The following TMEM106B variants were observed in gnomAD, a reference collection of about 807,000 sequenced individuals.
TMEM106B encodes transmembrane protein 106B.
TMEM106B carries 15 observed loss-of-function variants against 31.1 expected under a neutral mutation model. The ratio of observed to expected loss-of-function variants is 0.48; its 90% CI spans 0.32 to 0.74. TMEM106B has a LOEUF of 0.74. TMEM106B is among the 30% of genes least tolerant of loss of function. The pLI is 0.03. For missense variants in TMEM106B, 283 were observed against 327.3 expected, an observed-to-expected ratio of 0.86 and a Z score of 1.04; for synonymous variants, 126 against 112.5, an observed-to-expected ratio of 1.12 and a Z score of -0.76.
At position 12,241,008 on chromosome 7, in the gene TMEM106B, TGACAATA is replaced by T. The variant is rs1373415881; in HGVS notation, c.*9039_*9045del. 4 of 152,190 alleles carry T rather than the reference TGACAATA, an allele frequency of 2.6e-5. No homozygotes were observed. The East Asian group carries it at 7.7e-4, about 29-fold the overall frequency. 9.4% of individuals were successfully genotyped at this position (152,190 alleles called of 1,614,324 possible). Reference sequence around the variant, plus strand: ...TATATTTTCTAAATAGCACTGAAAATGACAATAGACAAATGTAATTTCTGATTTTTAA... The same window carrying T: ...TATATTTTCTAAATAGCACTGAAAATGACAAATGTAATTTCTGATTTTTAA... On this transcript the variant is annotated 3_prime_UTR_variant, in exon 8 of 8. Coordinates refer to ENST00000396668, the MANE Select transcript of TMEM106B (RefSeq NM_001134232.2).
intron 4 of TMEM106B, among the ~76,000 whole-genome samples, chr7:12,228,743 C>T (rs536790416): frequency 5.3e-5 from 8 of 152,110 alleles, no homozygotes; most frequent in African/African-American, 1.9e-4. Flanking sequence ...AAAATATACC[C>T]TTTTCCCATA....
chr7:12,223,239 TA>T (rs551140994), intron 3 of TMEM106B, among the ~76,000 whole-genome samples: 1 of 152,006 alleles, frequency 6.6e-6, no homozygotes, highest in African/African-American at 2.4e-5. Context: ...TTGATCAATG[TA>T]AAAAAAATCT....
intron 2 of TMEM106B, among the ~76,000 whole-genome samples, chr7:12,217,052 G>C (rs371990485): frequency 2.6e-5 from 4 of 151,992 alleles, no homozygotes; most frequent in African/African-American, 9.7e-5. Flanking sequence ...GTAAGATAGA[G>C]TGAATAATAG....
intron 3 of TMEM106B, among the ~76,000 whole-genome samples, chr7:12,222,844 A>T (rs954097475): frequency 5.3e-5 from 8 of 152,248 alleles, no homozygotes. Context: ...AACTTAAAAC[A>T]CTAAGAAATA....
At chr7:12,231,139 G>T in intron 7 of TMEM106B, 24 bp downstream of exon 7, 1 of 1,560,266 alleles carries the variant, frequency 6.4e-7, no homozygotes, top group South Asian at 1.2e-5. Context: ...TTTTTTGAAA[G>T]AGATTTTGCT....
chr7:12,229,915 T>G (rs939907265), intron 5 of TMEM106B, 96 bp downstream of exon 5: 1 of 1,353,508 alleles, frequency 7.4e-7, no homozygotes, highest in Non-Finnish European at 1.0e-6. Context: ...CCTCAAAAAC[T>G]TGATTTAGAA....
At position 12,239,219 on chromosome 7, in the gene TMEM106B, C is replaced by T. The variant is rs1782197151; in HGVS notation, c.*7244C>T. 6.6e-6 allele frequency: 1 copy of T among 152,150 alleles called. No individual in the cohort carries two copies. The highest frequency in any genetic ancestry group is 1.5e-5 in the Non-Finnish European group (1 of 68,028). 9.4% of individuals were successfully genotyped at this position (152,150 alleles called of 1,614,324 possible). Reference sequence around the variant, plus strand: ...ATCTCCTTAAACATCATTAACCAACCTCTTGGTAGCTTCCAACTTTTCTTC... The same window carrying T: ...ATCTCCTTAAACATCATTAACCAACTTCTTGGTAGCTTCCAACTTTTCTTC... On this transcript the variant is annotated 3_prime_UTR_variant, in exon 8 of 8. Coordinates refer to ENST00000396668, the MANE Select transcript of TMEM106B (RefSeq NM_001134232.2).
rs1269643509 is a variant in TMEM106B at position 12,234,611 on chromosome 7, A to T, written c.*2636A>T. ...TTTTTTCCATGGGAATAGGATAGGT[A>T]TTAATACGCTTTTCTAAACTGCTCT... On this transcript the variant is annotated 3_prime_UTR_variant, in exon 8 of 8. Coordinates refer to ENST00000396668, the MANE Select transcript of TMEM106B (RefSeq NM_001134232.2). 6.6e-6 allele frequency: 1 copy of T among 151,866 alleles called. No individual in the cohort carries two copies. The highest frequency in any genetic ancestry group is 6.6e-5 in the Admixed American group (1 of 15,226). 9.4% of individuals were successfully genotyped at this position (151,866 alleles called of 1,614,324 possible).
rs182713544 is a variant in TMEM106B, at chr7:12,239,182, T to G, written c.*7207T>G. Reference sequence around the variant, plus strand: ...TGCTTCACCTTGCACTTTTATATTATGGAAACAACTTATCTCCTTAAACAT... The same window carrying G: ...TGCTTCACCTTGCACTTTTATATTAGGGAAACAACTTATCTCCTTAAACAT... On this transcript the variant is annotated 3_prime_UTR_variant, in exon 8 of 8. Coordinates refer to ENST00000396668, the MANE Select transcript of TMEM106B (RefSeq NM_001134232.2). 1.2e-4 allele frequency: 19 copies of G among 152,290 alleles called. No individual in the cohort carries two copies. The highest frequency in any genetic ancestry group is 3.4e-4 in the African/African-American group (14 of 41,568). 9.4% of individuals were successfully genotyped at this position (152,290 alleles called of 1,614,324 possible).
chr7:12,223,182 C>A (rs1363648991), intron 3 of TMEM106B, among the ~76,000 whole-genome samples: 1 of 152,080 alleles, frequency 6.6e-6, no homozygotes, highest in African/African-American at 2.4e-5. Flanking sequence ...CATGAAATAT[C>A]TTTTCTTGAT....
rs578131656 is a variant in TMEM106B at position 12,238,874 on chromosome 7, A to G, written c.*6899A>G. ...TTTATTGAACACAGGCAGAGTAGGT[A>G]AAAGTTTTAAGGGTCCTAGGATTTT... On this transcript the variant is annotated 3_prime_UTR_variant, in exon 8 of 8. Coordinates refer to ENST00000396668, the MANE Select transcript of TMEM106B (RefSeq NM_001134232.2). 6.6e-6 allele frequency: 1 copy of G among 152,238 alleles called. No individual in the cohort carries two copies. Among genetic ancestry groups the G allele is most frequent in the East Asian group, 1.9e-4 (1 of 5,166 alleles). The allele number at this position is 152,238 out of a possible 1,614,324, so 9.4% of individuals were successfully genotyped here. A position where few individuals can be genotyped will look rare whatever the true frequency, so the allele number is the denominator to read the frequency against.
At chr7:12,230,040 A>T (rs1163446839) in intron 5 of TMEM106B, among the ~76,000 whole-genome samples, 1 of 133,094 alleles carries the variant, frequency 7.5e-6, no homozygotes, top group African/African-American at 3.1e-5. Context: ...AACATGGTGA[A>T]ACCTCATCTC....
chr7:12,214,840 G>A lies in TMEM106B; in HGVS notation c.30G>A (p.Leu10=). The change falls in exon 2 of 8, where the codon TTG becomes TTA. Residue 10 remains leucine, a synonymous_variant. Coordinates refer to ENST00000396668, the MANE Select transcript of TMEM106B (RefSeq NM_001134232.2). MGKSLSHLP[L]HSSKEDAYDG... is the part of the protein sequence containing the mutation. Reference sequence around the variant, plus strand: ...GAAAGTCTCTTTCTCATTTGCCTTTGCATTCAAGCAAAGAAGATGCTTATG... The same window carrying A: ...GAAAGTCTCTTTCTCATTTGCCTTTACATTCAAGCAAAGAAGATGCTTATG... 6.2e-7 allele frequency: 1 copy of A among 1,612,734 alleles called. No individual in the cohort carries two copies. Among genetic ancestry groups the A allele is most frequent in the Non-Finnish European group, 8.5e-7 (1 of 1,179,332 alleles).
In TMEM106B at chr7:12,240,458, T is replaced by C. The variant is rs1195072802; in HGVS notation, c.*8483T>C. On this transcript the variant is annotated 3_prime_UTR_variant, in exon 8 of 8. Transcript: ENST00000396668. ...TAAACTTTTGTTTTCATCAACTTTT[T>C]TCAAACAATTTTTGTCAGCTTAGAG... The C allele has an allele frequency of 1.3e-5, 2 of 152,194 alleles. No homozygotes were observed. Among genetic ancestry groups the C allele is most frequent in the Non-Finnish European group, 2.9e-5 (2 of 68,038 alleles). The allele number at this position is 152,194 out of a possible 1,614,324, so 9.4% of individuals were successfully genotyped here.
chr7:12,231,894 T>G lies in TMEM106B; in HGVS notation c.744T>G (p.Tyr248Ter). Residue 248 changes from tyrosine (Y) to a stop codon, truncating the protein, a stop_gained, in exon 8 of 8, where the codon TAT becomes TAG. Transcript: ENST00000396668. LOFTEE classifies it high-confidence loss of function. Reference sequence around the variant, plus strand: ...CTGAACAGATATCCCAGGAGAGGTATCAGTATGTCGACTGTGGAAGAAACA... The same window carrying G: ...CTGAACAGATATCCCAGGAGAGGTAGCAGTATGTCGACTGTGGAAGAAACA... ...GHSEQISQERYQYVDCGRNTT... is the reference protein window; with the variant it reads ...GHSEQISQER 6.2e-7 allele frequency: 1 copy of G among 1,612,334 alleles called. No individual in the cohort carries two copies. Among genetic ancestry groups the G allele is most frequent in the Non-Finnish European group, 8.5e-7 (1 of 1,178,810 alleles).
chr7:12,215,401 A>ATT lies in TMEM106B; in HGVS notation c.217+389_217+390dup, dbSNP rs536072939. On this transcript the variant is annotated intron_variant, in intron 2 of 7. Transcript: ENST00000396668. ...AGCAATTTAAGTAATTTGTTGACCTATTTTTTTTTTTTTTTTAAGAGATGA... is the reference window on the plus strand; with the variant it reads ...AGCAATTTAAGTAATTTGTTGACCTATTTTTTTTTTTTTTTTTTAAGAGATGA... Among the ~76,000 whole-genome samples the ATT allele has an allele frequency of 6.4e-4, 87 of 135,496 alleles. 1 individual carries two copies. Among genetic ancestry groups the ATT allele is most frequent in the Middle Eastern group, 3.9e-3 (1 of 256 alleles). 88.9% of individuals were successfully genotyped at this position (135,496 alleles called of 152,430 possible).
intron 3 of TMEM106B, among the ~76,000 whole-genome samples, chr7:12,221,087 A>ATGTGTGTGTGTGT (rs1554308776): frequency 6.7e-6 from 1 of 149,952 alleles, no homozygotes; most frequent in African/African-American, 2.5e-5. Context: ...AAGCAAGTAA[A>ATGTGTGTGTGTGT]GTGTGTGTGT....
rs1184050258 is a variant in TMEM106B at position 12,240,210 on chromosome 7, C to T, written c.*8235C>T. On this transcript the variant is annotated 3_prime_UTR_variant, in exon 8 of 8. Coordinates refer to ENST00000396668, the MANE Select transcript of TMEM106B (RefSeq NM_001134232.2). ...CAGTTCATTCCTTTATCCCTTCGCT[C>T]ATTCTGTTCCTTTTTTCTTAGAAAA... 1.3e-5 allele frequency: 2 copies of T among 152,162 alleles called. No homozygotes were observed. 9.4% of individuals were successfully genotyped at this position (152,162 alleles called of 1,614,324 possible).
intron 2 of TMEM106B, among the ~76,000 whole-genome samples, chr7:12,217,732 C>T (rs986942646): frequency 1.3e-5 from 2 of 151,852 alleles, no homozygotes; most frequent in Non-Finnish European, 2.9e-5. Flanking sequence ...ATAGATGTGT[C>T]GGGGGAAATA....
Sources: allele counts gnomAD v4.1 joint callset (sites outside exome capture counted in the v4.1 genomes callset), GRCh38; gene constraint gnomAD v4.1.1; transcripts MANE v1.5; gene names NCBI Gene and HGNC (gene_info 2026-07-23, HGNC 2026-07-21).